The following MON2 variants were observed in gnomAD, a reference collection of about 807,000 sequenced individuals.
The protein encoded by MON2 is MON2 regulator of endosome-to-Golgi trafficking, also known as protein MON2 homolog.
A neutral mutation model predicts 208.6 loss-of-function variants in MON2; 84 were observed. The ratio of observed to expected loss-of-function variants is 0.40; its 90% CI spans 0.34 to 0.48. The LOEUF (loss-of-function observed/expected upper bound fraction) is 0.48. Among genes scored for constraint, MON2 ranks in the 20% least tolerant of loss-of-function variants. MON2 has a pLI of 0.59. For missense variants in MON2, 1,611 were observed against 2,015.4 expected, an observed-to-expected ratio of 0.80 and a Z score of 3.84; for synonymous variants, 660 against 694.0, an observed-to-expected ratio of 0.95 and a Z score of 0.77.
chr12:62,534,535 AAAAAAAAAT>A (rs1186743508), intron 12 of MON2, among the ~76,000 whole-genome samples: 411 of 27,434 alleles, frequency 0.015, 1 homozygote, highest in Non-Finnish European at 0.023. Context: ...AAAAAAAAAA[AAAAAAAAAT>A]ATATATATAT....
chr12:62,518,947 A>G (rs1034375884), intron 8 of MON2, among the ~76,000 whole-genome samples: 1 of 152,282 alleles, frequency 6.6e-6, no homozygotes, highest in Non-Finnish European at 1.5e-5. Flanking sequence ...TTGGGGGGCA[A>G]GCTATATATG....
chr12:62,588,949 CT>C, intron 34 of MON2: 4 of 1,306,694 alleles, frequency 3.1e-6, no homozygotes, highest in Non-Finnish European at 3.1e-6. Context: ...GAATGCAAAG[CT>C]TTTTTATGTG....
chr12:62,514,187 C>A (rs1457314465), intron 8 of MON2, among the ~76,000 whole-genome samples: 3 of 152,182 alleles, frequency 2.0e-5, no homozygotes, highest in African/African-American at 7.2e-5. Context: ...TTGGTCAAAG[C>A]CATTCAAGTC....
chr12:62,537,991 A>T (rs2073059772), intron 16 of MON2, 105 bp from the exon 17 acceptor site: 1 of 984,612 alleles, frequency 1.0e-6, no homozygotes, highest in Admixed American at 2.8e-5. Context: ...CCTACTACTG[A>T]TTTTAATTTT....
intron 14 of MON2, 84 bp downstream of exon 14, chr12:62,535,793 C>T: frequency 2.7e-6 from 3 of 1,099,370 alleles, no homozygotes; most frequent in Non-Finnish European, 3.7e-6. Flanking sequence ...GAGTTTAAGT[C>T]TCTGCTTTTT....
intron 25 of MON2, among the ~76,000 whole-genome samples, chr12:62,557,931 TATA>T (rs1565683242): frequency 7.6e-4 from 28 of 36,886 alleles, no homozygotes; most frequent in African/African-American, 3.2e-3. Flanking sequence ...AATAGATTTA[TATA>T]TATATATATA....
intron 33 of MON2, 169 bp from the exon 34 acceptor site, chr12:62,587,905 A>G: frequency 1.9e-6 from 1 of 516,632 alleles, no homozygotes. Flanking sequence ...GTACATATAA[A>G]TAAAATGATT....
chr12:62,588,384 T>TA (rs397716373), intron 34 of MON2, among the ~76,000 whole-genome samples: 1 of 151,960 alleles, frequency 6.6e-6, no homozygotes, highest in Non-Finnish European at 1.5e-5. Context: ...TTTTTTTTTT[T>TA]ACTATATTGT....
chr12:62,522,440 A>G (rs2072096672), intron 8 of MON2, among the ~76,000 whole-genome samples: 1 of 152,224 alleles, frequency 6.6e-6, no homozygotes, highest in Non-Finnish European at 1.5e-5. Flanking sequence ...GTCAACTCTT[A>G]CATACAGGAT....
intron 1 of MON2, among the ~76,000 whole-genome samples, chr12:62,479,431 TC>T (rs71083999): frequency 0.09 from 10,454 of 116,746 alleles, 679 homozygotes; most frequent in East Asian, 0.16. Context: ...TGTGTGTATA[TC>T]CCCCCCCCCC....
intron 15 of MON2, 53 bp downstream of exon 15, chr12:62,537,316 T>C: frequency 8.0e-7 from 1 of 1,252,288 alleles, no homozygotes; most frequent in Admixed American, 2.0e-5. Context: ...GGAAACTTGT[T>C]GTACCTATCT....
intron 19 of MON2, 47 bp downstream of exon 19, chr12:62,538,552 T>C: frequency 8.2e-7 from 1 of 1,222,306 alleles, no homozygotes. Flanking sequence ...ATTAGTTATA[T>C]AAGATGTACA....
At chr12:62,497,175 GA>G (rs1354684854) in intron 4 of MON2, among the ~76,000 whole-genome samples, 8 of 116,902 alleles carry the variant, frequency 6.8e-5, no homozygotes, top group African/African-American at 2.6e-4. Context: ...GGGGAGGGGG[GA>G]GGGGGGAGGG....
At chr12:62,568,809 C>T (rs1236540831) in intron 29 of MON2, among the ~76,000 whole-genome samples, 1 of 152,004 alleles carries the variant, frequency 6.6e-6, no homozygotes, top group African/African-American at 2.4e-5. Context: ...CACACCACCA[C>T]GCATGGCTAA....
At chr12:62,545,333 AT>A (rs536539372) in intron 21 of MON2, among the ~76,000 whole-genome samples, 47 of 146,422 alleles carry the variant, frequency 3.2e-4, no homozygotes, top group African/African-American at 2.2e-4. Context: ...ATGTCCCTGG[AT>A]TTTTTTTTTT....
chr12:62,522,199 A>T (rs1479103656), intron 8 of MON2, among the ~76,000 whole-genome samples: 1 of 152,182 alleles, frequency 6.6e-6, no homozygotes, highest in African/African-American at 2.4e-5. Context: ...GAGAAAAAAA[A>T]AAGAGGCTAG....
chr12:62,521,963 C>T (rs1367772409), intron 8 of MON2, among the ~76,000 whole-genome samples: 1 of 152,120 alleles, frequency 6.6e-6, no homozygotes, highest in Non-Finnish European at 1.5e-5. Flanking sequence ...AAGGCCAAGG[C>T]GGGTGGATCA....
In MON2 at chr12:62,484,519, C is replaced by G. The variant is rs1323562568; in HGVS notation, c.175+286C>G. Among the ~76,000 whole-genome samples, 5 of 152,314 alleles carry G rather than the reference C, an allele frequency of 3.3e-5. No homozygotes were observed. In the East Asian group the frequency reaches 9.6e-4, roughly 29 times the overall value. The stretch of plus-strand genomic sequence containing the variant: ...CTCATCTTCGCATTCTCCTCCACTT[C>G]CTGCTAATCACCTGAGACACACCAT... On this transcript the variant is annotated intron_variant, in intron 2 of 34. Coordinates refer to ENST00000393630, the MANE Select transcript of MON2 (RefSeq NM_015026.3).
In MON2 at chr12:62,552,930, A is replaced by C; in HGVS notation, c.2966A>C (p.Glu989Ala). Residue 989 changes from glutamate (E) to alanine (A), a missense_variant, in exon 24 of 35, where the codon GAA becomes GCA. Coordinates refer to ENST00000393630, the MANE Select transcript of MON2 (RefSeq NM_015026.3). Reference sequence around the variant, plus strand: ...CAAAGAGGGGAAACTATTGAAAAAGAACTAAATAAGGAAGAGGCAGCACAG... The same window carrying C: ...CAAAGAGGGGAAACTATTGAAAAAGCACTAAATAAGGAAGAGGCAGCACAG... ...FFQRGETIEK[E>A]LNKEEAAQQK... The C allele has an allele frequency of 1.2e-6, 2 of 1,614,156 alleles. No individual in the cohort carries two copies. Among genetic ancestry groups the C allele is most frequent in the Non-Finnish European group, 1.7e-6 (2 of 1,179,970 alleles).
Sources: allele counts gnomAD v4.1 joint callset (sites outside exome capture counted in the v4.1 genomes callset), GRCh38; gene constraint gnomAD v4.1.1; transcripts MANE v1.5; gene names NCBI Gene and HGNC (gene_info 2026-07-23, HGNC 2026-07-21).